Variants in PPP1CB observed in about 807,000 individuals in gnomAD.
The protein encoded by PPP1CB is serine/threonine-protein phosphatase PP1-beta catalytic subunit.
A neutral mutation model predicts 43.7 loss-of-function variants in PPP1CB; 2 were observed. The observed-to-expected ratio is 0.05, with a 90% CI of 0.02 to 0.14. PPP1CB has a LOEUF of 0.14. Among genes scored for constraint, PPP1CB ranks in the 10% least tolerant of loss-of-function variants. The pLI, the probability that PPP1CB is intolerant of heterozygous loss-of-function variation, is 1.00. For missense variants in PPP1CB, 84 were observed against 398.0 expected, an observed-to-expected ratio of 0.21 and a Z score of 6.71; for synonymous variants, 136 against 135.6, an observed-to-expected ratio of 1.00 and a Z score of -0.02.
chr2:28,778,674 G>A, intron 2 of PPP1CB, 135 bp from the exon 3 acceptor site: 1 of 613,352 alleles, frequency 1.6e-6, no homozygotes, highest in Non-Finnish European at 2.9e-6. Context: ...TCGCTTATTA[G>A]AAGTAAGTCA....
chr2:28,751,821 G>T, upstream of PPP1CB: 1 of 483,800 alleles, frequency 2.1e-6, no homozygotes, highest in Non-Finnish European at 3.7e-6. Context: ...GGCGGCGCTG[G>T]TGAGCTTTGC....
chr2:28,777,084 A>G, intron 2 of PPP1CB, 102 bp downstream of exon 2: 1 of 1,220,116 alleles, frequency 8.2e-7, no homozygotes, highest in East Asian at 2.4e-5. Flanking sequence ...TGTATAAAAC[A>G]GATCAGTAGG....
intron 7 of PPP1CB, among the ~76,000 whole-genome samples, chr2:28,796,309 C>A (rs996452425): frequency 6.6e-6 from 1 of 151,978 alleles, no homozygotes. Context: ...TAGAAAAGTT[C>A]TTTTCTAATG....
chr2:28,762,267 A>G (rs1160914126), intron 1 of PPP1CB, among the ~76,000 whole-genome samples: 2 of 149,354 alleles, frequency 1.3e-5, no homozygotes, highest in African/African-American at 4.9e-5. Context: ...CCTGGGCGAC[A>G]GAGTGAGACT....
chr2:28,790,401 A>T (rs193079884), intron 6 of PPP1CB, among the ~76,000 whole-genome samples: 212 of 152,198 alleles, frequency 1.4e-3, no homozygotes, highest in Non-Finnish European at 2.2e-3. Context: ...GTGCAGTGGC[A>T]TGATCTCGGC....
chr2:28,777,171 T>C, intron 2 of PPP1CB, 189 bp downstream of exon 2: 1 of 458,980 alleles, frequency 2.2e-6, no homozygotes, highest in Non-Finnish European at 3.8e-6. Flanking sequence ...ATACTTGCTA[T>C]ATATCAACAG....
chr2:28,791,836 A>G (rs1387455870), intron 6 of PPP1CB, among the ~76,000 whole-genome samples: 1 of 152,202 alleles, frequency 6.6e-6, no homozygotes, highest in Non-Finnish European at 1.5e-5. Context: ...GCTAGTTTGC[A>G]TGGTCTTTTG....
In PPP1CB at chr2:28,800,771, A is replaced by T. The variant is rs903312783; in HGVS notation, c.*1468A>T. On this transcript the variant is annotated 3_prime_UTR_variant, in exon 8 of 8. Coordinates refer to ENST00000395366, the MANE Select transcript of PPP1CB (RefSeq NM_002709.3). ...AAATTTGTAAGCTTCATAGGGATGG[A>T]CATCATATCTATAATGCCCTTCTAT... The T allele has an allele frequency of 2.0e-5, 3 of 152,482 alleles. No individual in the cohort carries two copies. Among genetic ancestry groups the T allele is most frequent in the Non-Finnish European group, 2.9e-5 (2 of 67,932 alleles). 9.4% of individuals were successfully genotyped at this position (152,482 alleles called of 1,614,324 possible). A position where few individuals can be genotyped will look rare whatever the true frequency, so the allele number is the denominator to read the frequency against.
rs1667583994 is a variant in PPP1CB, at chr2:28,800,226, C to CTTTTTTTTTTTTTTTTTTTTTTCTTTT, written c.*945_*946insCTTTTTTTTTTTTTTTTTTTTTTTTTT. On this transcript the variant is annotated 3_prime_UTR_variant, in exon 8 of 8. Transcript: ENST00000395366. ...TTGGTTTTCTTTTTCTTTTTTCTTT[C>CTTTTTTTTTTTTTTTTTTTTTTCTTTT]TTTTTTTTTTTTTTTTTTTTTTTGA... The CTTTTTTTTTTTTTTTTTTTTTTCTTTT allele has an allele frequency of 3.0e-5, 2 of 65,628 alleles. No individual in the cohort carries two copies. 4.1% of individuals were successfully genotyped at this position (65,628 alleles called of 1,614,324 possible).
intron 4 of PPP1CB, chr2:28,782,097 CAA>C (rs1667167122): frequency 4.9e-6 from 2 of 410,256 alleles, no homozygotes; most frequent in Non-Finnish European, 8.7e-6. Flanking sequence ...TCCTTTGCCT[CAA>C]GTTTTAACAG....
intron 6 of PPP1CB, among the ~76,000 whole-genome samples, chr2:28,792,308 C>G (rs776565442): frequency 9.2e-5 from 14 of 151,968 alleles, no homozygotes; most frequent in Non-Finnish European, 1.3e-4. Context: ...CCGTTGCACT[C>G]CAGCCTGGGC....
intron 1 of PPP1CB, among the ~76,000 whole-genome samples, chr2:28,770,384 G>T (rs1393340327): frequency 7.3e-6 from 1 of 137,798 alleles, no homozygotes; most frequent in Non-Finnish European, 1.6e-5. Context: ...AAAAAAAAGG[G>T]GGGGGGGAGG....
chr2:28,754,224 C>A (rs1294581312), intron 1 of PPP1CB, among the ~76,000 whole-genome samples: 3 of 151,326 alleles, frequency 2.0e-5, no homozygotes, highest in African/African-American at 7.3e-5. Context: ...TTAAACTTCA[C>A]GAGTGGGTTG....
At chr2:28,789,470 C>T (rs1219027547) in intron 6 of PPP1CB, among the ~76,000 whole-genome samples, 1 of 151,906 alleles carries the variant, frequency 6.6e-6, no homozygotes, top group Non-Finnish European at 1.5e-5. Context: ...GTTTATGTCA[C>T]TGCTCTCCAG....
intron 1 of PPP1CB, among the ~76,000 whole-genome samples, chr2:28,753,086 C>T (rs1666370584): frequency 6.6e-6 from 1 of 152,282 alleles, no homozygotes; most frequent in Middle Eastern, 3.4e-3. Context: ...TGATTCATTG[C>T]AGGATATTAT....
rs147067342 is a variant in PPP1CB, at chr2:28,776,269, T to G, written c.53-582T>G. Among the ~76,000 whole-genome samples the G allele has an allele frequency of 1.9e-3, 290 of 152,114 alleles. 10 individuals are homozygous for G. In the East Asian group the frequency reaches 0.047, roughly 25 times the overall value. On this transcript the variant is annotated intron_variant, in intron 1 of 7. Coordinates refer to ENST00000395366, the MANE Select transcript of PPP1CB (RefSeq NM_002709.3). ...TTGTTTTTTTTCTGTTTGTTTGTTTTTTTTTTATTTGAGACGGAGTCTCGC... is the reference window on the plus strand; with the variant it reads ...TTGTTTTTTTTCTGTTTGTTTGTTTGTTTTTTATTTGAGACGGAGTCTCGC...
intron 1 of PPP1CB, among the ~76,000 whole-genome samples, chr2:28,753,247 G>A (rs1188039912): frequency 1.3e-5 from 2 of 152,206 alleles, no homozygotes; most frequent in African/African-American, 4.8e-5. Context: ...GATTGCATAT[G>A]TACTGTTTGC....
chr2:28,763,701 A>G lies in PPP1CB; in HGVS notation c.52+11525A>G, dbSNP rs555152797. 5.2e-3 allele frequency among the ~76,000 whole-genome samples: 637 copies of G among 122,400 alleles called. 6 individuals carry two copies. The highest frequency in any genetic ancestry group is 0.016 in the African/African-American group (603 of 36,738). 80.3% of individuals were successfully genotyped at this position (122,400 alleles called of 152,430 possible). A position where few individuals can be genotyped will look rare whatever the true frequency, so the allele number is the denominator to read the frequency against. On this transcript the variant is annotated intron_variant, in intron 1 of 7. Coordinates refer to ENST00000395366, the MANE Select transcript of PPP1CB (RefSeq NM_002709.3). ...AAAGGCCATTTTGGTCTCTGAATCC[A>G]CGTTAGTTATTCTTTTGTTTTGAGA...
At chr2:28,758,372 A>G (rs1358187636) in intron 1 of PPP1CB, among the ~76,000 whole-genome samples, 3 of 152,206 alleles carry the variant, frequency 2.0e-5, no homozygotes, top group African/African-American at 7.2e-5. Context: ...TCTGTTATGT[A>G]TTTCTGAAAG....
Sources: allele counts gnomAD v4.1 joint callset (sites outside exome capture counted in the v4.1 genomes callset), GRCh38; gene constraint gnomAD v4.1.1; transcripts MANE v1.5; gene names NCBI Gene and HGNC (gene_info 2026-07-23, HGNC 2026-07-21).